KCTD16: variants seen among roughly 807,000 people sequenced by gnomAD.
The protein encoded by KCTD16 is potassium channel tetramerization domain containing 16.
KCTD16 carries 13 observed loss-of-function variants against 33.2 expected under a neutral mutation model. That is an observed-to-expected ratio of 0.39 (90% CI 0.25 to 0.62). The LOEUF is 0.62. KCTD16 is among the 20% of genes least tolerant of loss of function. The probability of loss-of-function intolerance (pLI) is 0.50; values close to 1 mark genes in which losing one functional copy is unlikely to be tolerated. For synonymous variants in KCTD16, 197 were observed against 195.3 expected (o/e 1.01, Z -0.07); for missense variants, 441 against 525.1 (o/e 0.84, Z 1.57).
intron 3 of KCTD16, among the ~76,000 whole-genome samples, chr5:144,213,704 G>A (rs1753472425): frequency 6.6e-6 from 1 of 152,128 alleles, no homozygotes; most frequent in African/African-American, 2.4e-5. Flanking sequence ...TATATGTTAT[G>A]GAGGCAAGGT....
At chr5:144,312,589 T>G (rs1388325911) in intron 3 of KCTD16, among the ~76,000 whole-genome samples, 1 of 152,196 alleles carries the variant, frequency 6.6e-6, no homozygotes, top group Admixed American at 6.5e-5. Context: ...GTCTCAAAAC[T>G]GAATGCCACT....
At chr5:144,307,311 G>A (rs575056551) in intron 3 of KCTD16, among the ~76,000 whole-genome samples, 110 of 152,254 alleles carry the variant, frequency 7.2e-4, no homozygotes, top group Non-Finnish European at 1.3e-3. Flanking sequence ...AACTCCATTA[G>A]AGCAGTGGCC....
At chr5:144,224,342 C>A (rs940842022) in intron 3 of KCTD16, among the ~76,000 whole-genome samples, 5 of 149,354 alleles carry the variant, frequency 3.3e-5, no homozygotes, top group Non-Finnish European at 5.9e-5. Flanking sequence ...GTAAATAAAA[C>A]CCAAGGTTGG....
Position 144,339,819 on chromosome 5 carries a change from G to T in KCTD16, c.832+132273G>T, listed in dbSNP as rs78231646. Among the ~76,000 whole-genome samples the T allele has an allele frequency of 8.5e-4, 129 of 152,138 alleles. 2 individuals carry two copies. The South Asian group carries it at 0.026, about 30-fold the overall frequency. The stretch of plus-strand genomic sequence containing the variant: ...AAGTGCTAGGGCTACAATAAAATAC[G>T]CAGAAAGGCAAATACATTTAATTAA... On this transcript the variant is annotated intron_variant, in intron 3 of 3. Transcript: ENST00000512467.
chr5:144,392,755 A>G (rs2126939623), intron 3 of KCTD16, among the ~76,000 whole-genome samples: 1 of 152,340 alleles, frequency 6.6e-6, no homozygotes, highest in East Asian at 1.9e-4. Context: ...ACTTCTGGAC[A>G]GAACATTTAA....
At chr5:144,196,335 T>C (rs1752938539) in intron 2 of KCTD16, among the ~76,000 whole-genome samples, 3 of 152,146 alleles carry the variant, frequency 2.0e-5, no homozygotes, top group Admixed American at 2.0e-4. Flanking sequence ...ACTCCATCAG[T>C]CACTTCCATT....
intron 3 of KCTD16, among the ~76,000 whole-genome samples, chr5:144,421,838 C>G (rs2126962643): frequency 6.6e-6 from 1 of 152,248 alleles, no homozygotes; most frequent in Non-Finnish European, 1.5e-5. Flanking sequence ...AAATAAGAGA[C>G]ACTCTGATGG....
At chr5:144,385,140 G>A (rs542777874) in intron 3 of KCTD16, 5 of 152,158 alleles carry the variant, frequency 3.3e-5, no homozygotes, top group South Asian at 2.1e-4. Flanking sequence ...ATATATGAGC[G>A]AAAACTATTT....
intron 3 of KCTD16, among the ~76,000 whole-genome samples, chr5:144,251,289 A>G (rs916651503): frequency 1.3e-5 from 2 of 152,166 alleles, no homozygotes; most frequent in African/African-American, 4.8e-5. Context: ...GAGGCAAAGT[A>G]CCTGGGTTCT....
chr5:144,324,662 C>G lies in KCTD16; in HGVS notation c.832+117116C>G, dbSNP rs143194339. Among the ~76,000 whole-genome samples the G allele has an allele frequency of 1.4e-4, 21 of 152,238 alleles. No individual in the cohort carries two copies. The East Asian group carries it at 4.1e-3, about 29-fold the overall frequency. ...GCAGCACTATTCACAATAGCAAAGG[C>G]ATGAAATAAACCCAAATACCCATCA... On this transcript the variant is annotated intron_variant, in intron 3 of 3. Coordinates refer to ENST00000512467, the MANE Select transcript of KCTD16 (RefSeq NM_020768.4).
intron 2 of KCTD16, among the ~76,000 whole-genome samples, chr5:144,204,345 A>C (rs942280260): frequency 6.6e-6 from 1 of 152,170 alleles, no homozygotes; most frequent in African/African-American, 2.4e-5. Context: ...GAGCCCTAAG[A>C]CACTGGTGTT....
chr5:144,399,917 T>C (rs912275296), intron 3 of KCTD16, among the ~76,000 whole-genome samples: 26 of 152,230 alleles, frequency 1.7e-4, no homozygotes, highest in African/African-American at 6.0e-4. Flanking sequence ...AATATAAAAT[T>C]TGAATTTAAA....
intron 3 of KCTD16, among the ~76,000 whole-genome samples, chr5:144,287,740 G>A (rs904519437): frequency 6.6e-6 from 1 of 152,004 alleles, no homozygotes; most frequent in South Asian, 2.1e-4. Flanking sequence ...GGGTTCAAGT[G>A]ATTCTCCTGC....
chr5:144,300,796 A>G (rs532007215), intron 3 of KCTD16, among the ~76,000 whole-genome samples: 1 of 152,292 alleles, frequency 6.6e-6, no homozygotes, highest in Non-Finnish European at 1.5e-5. Flanking sequence ...ACTAAATGAG[A>G]GTTTGCTAGG....
chr5:144,469,222 G>T (rs769424605), intron 3 of KCTD16, among the ~76,000 whole-genome samples: 1 of 152,138 alleles, frequency 6.6e-6, no homozygotes, highest in Non-Finnish European at 1.5e-5. Flanking sequence ...GAAATTTTAA[G>T]CACTGCACTA....
At chr5:144,214,939 C>A (rs1490037940) in intron 3 of KCTD16, among the ~76,000 whole-genome samples, 2 of 152,056 alleles carry the variant, frequency 1.3e-5, no homozygotes, top group Non-Finnish European at 2.9e-5. Context: ...ATAAATATTT[C>A]TTTAGAATGC....
intron 3 of KCTD16, among the ~76,000 whole-genome samples, chr5:144,273,694 G>A (rs4421137): frequency 0.33 from 50,229 of 150,200 alleles, 8,969 homozygotes; most frequent in African/African-American, 0.46. Context: ...ATACTTTATG[G>A]TGATTTCACT....
intron 3 of KCTD16, among the ~76,000 whole-genome samples, chr5:144,387,133 A>G (rs2126935507): frequency 8.2e-6 from 1 of 121,426 alleles, no homozygotes; most frequent in South Asian, 3.0e-4. Flanking sequence ...CACCAGGCTA[A>G]TTTAATTTTT....
In KCTD16 at chr5:144,193,198, C is replaced by T. The variant is rs1580778373; in HGVS notation, c.-326-13191C>T. On this transcript the variant is annotated intron_variant, in intron 2 of 3. Transcript: ENST00000512467. ...GTTATCCCCATATCAGCCAAAGTCACCTTTTAAAAAGTAAGCAAACCAGAA... is the reference window on the plus strand; with the variant it reads ...GTTATCCCCATATCAGCCAAAGTCATCTTTTAAAAAGTAAGCAAACCAGAA... Among the ~76,000 whole-genome samples the T allele has an allele frequency of 3.3e-5, 5 of 152,326 alleles. No individual in the cohort carries two copies. The East Asian group carries it at 7.7e-4, about 23-fold the overall frequency.
Sources: gnomAD v4.1 joint callset for allele counts (sites outside exome capture counted in the v4.1 genomes callset) on GRCh38, gnomAD v4.1.1 for gene constraint, MANE v1.5 for transcripts, NCBI Gene and HGNC (gene_info 2026-07-23, HGNC 2026-07-21) for gene names.